The following FRRS1 variants were observed in gnomAD, a reference collection of about 807,000 sequenced individuals.
The protein encoded by FRRS1 is ferric reductase 1.
FRRS1 carries 51 observed loss-of-function variants against 70.7 expected under a neutral mutation model. The ratio of observed to expected loss-of-function variants is 0.72; its 90% CI spans 0.58 to 0.91. FRRS1 has a LOEUF of 0.91. FRRS1 is among the 40% of genes least tolerant of loss of function. The pLI is 0.00. For synonymous variants in FRRS1, 225 were observed against 238.7 expected, an observed-to-expected ratio of 0.94 and a Z score of 0.53; for missense variants, 672 against 726.0, an observed-to-expected ratio of 0.93 and a Z score of 0.86.
intron 1 of FRRS1, among the ~76,000 whole-genome samples, chr1:99,763,868 C>CAAA (rs71744107): frequency 1.8e-5 from 2 of 110,006 alleles, no homozygotes; most frequent in Admixed American, 9.2e-5. Context: ...AACTCTGTCT[C>CAAA]AAAAAAAAAA....
rs1487301531 is a variant in FRRS1, at chr1:99,712,120, C to T, written c.1465G>A (p.Ala489Thr). 2 of 1,608,278 alleles carry T rather than the reference C, an allele frequency of 1.2e-6. No homozygotes were observed. Among genetic ancestry groups the T allele is most frequent in the African/African-American group, 2.7e-5 (2 of 74,804 alleles). ...AATCTCTTACCTGCTATTATTCTAG[C>T]AGCTGTTCCCATACTCCAATGAGTC... ...NWTHWSMGTA[A>T]RIIAVAAMFL... Residue 489 changes from alanine to threonine, a missense_variant, in exon 14 of 17, where the codon GCT becomes ACT. Ala to Thr is a moderately conservative substitution (Grantham distance 58, BLOSUM62 0). Transcript: ENST00000646001.
intron 6 of FRRS1, 31 bp from the exon 7 acceptor site, chr1:99,738,299 T>G (rs758376451): frequency 9.2e-6 from 14 of 1,525,456 alleles, no homozygotes; most frequent in Non-Finnish European, 1.2e-5. Context: ...AAAAAAATCT[T>G]AATTATCAAA....
At chr1:99,749,736 G>C (rs1459819953) in intron 1 of FRRS1, among the ~76,000 whole-genome samples, 1 of 152,158 alleles carries the variant, frequency 6.6e-6, no homozygotes, top group Non-Finnish European at 1.5e-5. Flanking sequence ...CTTCCTCTTA[G>C]CATCTGGATA....
At chr1:99,719,407 C>CAA (rs71854810) in intron 10 of FRRS1, 127 bp downstream of exon 10, 21,538 of 385,664 alleles carry the variant, frequency 0.056, 1,106 homozygotes, top group African/African-American at 0.25. Flanking sequence ...GACTCCATCT[C>CAA]AAAAAAAAAA....
At chr1:99,732,080 C>G (rs111424631) in intron 7 of FRRS1, among the ~76,000 whole-genome samples, 1 of 152,140 alleles carries the variant, frequency 6.6e-6, no homozygotes, top group Admixed American at 6.5e-5. Flanking sequence ...TTGAGGCAAA[C>G]TGAGGATGAG....
chr1:99,753,253 G>A (rs1656663537), intron 1 of FRRS1, among the ~76,000 whole-genome samples: 1 of 150,024 alleles, frequency 6.7e-6, no homozygotes, highest in Admixed American at 6.6e-5. Flanking sequence ...GGGTGCGGTG[G>A]CTCATGCCTG....
intron 9 of FRRS1, among the ~76,000 whole-genome samples, chr1:99,720,583 A>T (rs191521009): frequency 1.5e-4 from 23 of 152,276 alleles, no homozygotes; most frequent in Admixed American, 4.6e-4. Context: ...ATAAAAGGAT[A>T]CAGGTTATAT....
At chr1:99,760,609 C>T (rs1159298717) in intron 1 of FRRS1, among the ~76,000 whole-genome samples, 1 of 152,110 alleles carries the variant, frequency 6.6e-6, no homozygotes, top group Non-Finnish European at 1.5e-5. Flanking sequence ...CATTCAATAC[C>T]AATTTAAGAT....
intron 8 of FRRS1, among the ~76,000 whole-genome samples, chr1:99,729,322 C>CCT (rs55796544): frequency 0.5 from 76,263 of 152,048 alleles, 23,144 homozygotes; most frequent in African/African-American, 0.86. Context: ...CTAATGTCAT[C>CCT]CTGTCTTAGA....
intron 1 of FRRS1, among the ~76,000 whole-genome samples, chr1:99,753,975 A>G (rs1656703687): frequency 6.6e-6 from 1 of 152,242 alleles, no homozygotes; most frequent in African/African-American, 2.4e-5. Context: ...ACTAATTTAA[A>G]GAAAGCAGGA....
intron 1 of FRRS1, among the ~76,000 whole-genome samples, chr1:99,755,489 C>T (rs780106807): frequency 2.0e-5 from 3 of 152,024 alleles, no homozygotes; most frequent in Non-Finnish European, 2.9e-5. Flanking sequence ...TAATCGACTT[C>T]GCCATTATTA....
rs149561134 is a variant in FRRS1, at chr1:99,763,357, A to G, written c.-106+3250T>C. ...TTACACTGAAAAATAAGATACAATA[A>G]TCTCTGTACACTATGCTCAAACTAG... On this transcript the variant is annotated intron_variant, in intron 1 of 16. Coordinates refer to ENST00000646001, the MANE Select transcript of FRRS1 (RefSeq NM_001361041.2). Among the ~76,000 whole-genome samples the G allele has an allele frequency of 1.5e-3, 226 of 152,188 alleles. 1 individual carries two copies. Among genetic ancestry groups the G allele is most frequent in the African/African-American group, 5.3e-3 (221 of 41,522 alleles).
chr1:99,755,930 T>A (rs550111233), intron 1 of FRRS1, among the ~76,000 whole-genome samples: 51 of 152,356 alleles, frequency 3.3e-4, no homozygotes, highest in African/African-American at 1.2e-3. Context: ...TGCTGACTGT[T>A]CAAGGTAAAG....
intron 9 of FRRS1, among the ~76,000 whole-genome samples, chr1:99,728,068 G>A (rs1173501876): frequency 6.6e-6 from 1 of 152,184 alleles, no homozygotes; most frequent in Non-Finnish European, 1.5e-5. Flanking sequence ...AGAAAGCTCA[G>A]GTCTAAGGAG....
chr1:99,761,476 A>G (rs1657110298), intron 1 of FRRS1, among the ~76,000 whole-genome samples: 1 of 152,306 alleles, frequency 6.6e-6, no homozygotes, highest in East Asian at 1.9e-4. Context: ...TTGGAAACAA[A>G]TATCTTATTA....
Position 99,719,551 on chromosome 1 carries a change from A to G in FRRS1, c.1103T>C (p.Leu368Pro), listed in dbSNP as rs752909038. ...TAACCTACCATGAACCTTCAGAAGG[A>G]GTACAGAATGGGATCCTCCTATGTT... ...PKNIGGSHSV[L>P]LLKVHGALMF... Residue 368 changes from leucine to proline, a missense_variant, in exon 10 of 17, where the codon CTC becomes CCC. Coordinates refer to ENST00000646001, the MANE Select transcript of FRRS1 (RefSeq NM_001361041.2). The G allele has an allele frequency of 6.4e-7, 1 of 1,574,258 alleles. No homozygotes were observed. Among genetic ancestry groups the G allele is most frequent in the East Asian group, 2.2e-5 (1 of 44,660 alleles).
intron 1 of FRRS1, among the ~76,000 whole-genome samples, chr1:99,763,923 A>G (rs977244215): frequency 4.6e-5 from 7 of 152,064 alleles, no homozygotes; most frequent in African/African-American, 1.7e-4. Flanking sequence ...AGAAAAACCC[A>G]TACAGTTAAG....
chr1:99,765,012 A>G (rs1424275300), intron 1 of FRRS1, among the ~76,000 whole-genome samples: 1 of 152,192 alleles, frequency 6.6e-6, no homozygotes, highest in African/African-American at 2.4e-5. Context: ...CTACACATTG[A>G]TCTCCATTCA....
chr1:99,733,086 C>G (rs1318655516), intron 7 of FRRS1, among the ~76,000 whole-genome samples: 2 of 151,990 alleles, frequency 1.3e-5, no homozygotes, highest in Admixed American at 6.6e-5. Flanking sequence ...TGGGCTCAAG[C>G]AATCCTCCCA....
Sources: allele counts gnomAD v4.1 joint callset (sites outside exome capture counted in the v4.1 genomes callset), GRCh38; gene constraint gnomAD v4.1.1; transcripts MANE v1.5; gene names NCBI Gene and HGNC (gene_info 2026-07-23, HGNC 2026-07-21).